Variants in TSHZ2 observed in about 807,000 individuals in gnomAD.
The protein encoded by TSHZ2 is teashirt homolog 2.
In TSHZ2, 21 loss-of-function variants were observed where a neutral mutation model predicts 74.4. The ratio of observed to expected loss-of-function variants is 0.28; its 90% CI spans 0.20 to 0.41. TSHZ2 has a LOEUF of 0.41. TSHZ2 is among the 10% of genes least tolerant of loss of function. TSHZ2 has a pLI of 1.00. For missense variants in TSHZ2, 1,244 were observed against 1,293.5 expected (o/e 0.96, Z 0.59); for synonymous variants, 540 against 515.3 (o/e 1.05, Z -0.65).
At chr20:53,459,002 A>G (rs1367521080) in intron 2 of TSHZ2, among the ~76,000 whole-genome samples, 5 of 152,106 alleles carry the variant, frequency 3.3e-5, no homozygotes, top group Non-Finnish European at 7.4e-5. Flanking sequence ...CAATTTTGGA[A>G]TAGGTGTGGT....
intron 2 of TSHZ2, among the ~76,000 whole-genome samples, chr20:53,292,473 G>A (rs946814889): frequency 6.8e-6 from 1 of 147,224 alleles, no homozygotes; most frequent in Admixed American, 6.7e-5. Context: ...TTTGAGACAG[G>A]GTCTTGCTCT....
intron 2 of TSHZ2, among the ~76,000 whole-genome samples, chr20:53,314,046 G>T (rs980777535): frequency 1.3e-5 from 2 of 152,148 alleles, no homozygotes; most frequent in Non-Finnish European, 2.9e-5. Context: ...GAGGCACTTT[G>T]GGAGGCTGAG....
intron 1 of TSHZ2, among the ~76,000 whole-genome samples, chr20:53,044,572 C>G (rs994741659): frequency 6.6e-6 from 1 of 152,186 alleles, no homozygotes; most frequent in African/African-American, 2.4e-5. Context: ...AGCCAAGGAC[C>G]AAGACTTGAA....
chr20:53,023,076 A>G (rs1458712390), intron 1 of TSHZ2, among the ~76,000 whole-genome samples: 1 of 152,160 alleles, frequency 6.6e-6, no homozygotes, highest in Admixed American at 6.5e-5. Context: ...TCACCTGGGA[A>G]TGTTTTTCCT....
chr20:53,411,667 AAAAACT>A (rs1983058878), intron 2 of TSHZ2, among the ~76,000 whole-genome samples: 1 of 152,096 alleles, frequency 6.6e-6, no homozygotes, highest in South Asian at 2.1e-4. Context: ...CGTCTCTATA[AAAAACT>A]TAAAAATTGG....
chr20:53,139,621 A>C (rs775248972), intron 1 of TSHZ2, among the ~76,000 whole-genome samples: 13 of 152,226 alleles, frequency 8.5e-5, no homozygotes, highest in Non-Finnish European at 1.5e-4. Context: ...CAAAAGTGGA[A>C]TCTTTCGTGT....
chr20:53,159,363 CTTA>C (rs967829265), intron 1 of TSHZ2, among the ~76,000 whole-genome samples: 38 of 152,202 alleles, frequency 2.5e-4, no homozygotes, highest in Admixed American at 1.8e-3. Flanking sequence ...CACAGCCACT[CTTA>C]TTTGTTGACG....
intron 2 of TSHZ2, among the ~76,000 whole-genome samples, chr20:53,280,846 C>G (rs371942927): frequency 6.6e-6 from 1 of 152,040 alleles, no homozygotes; most frequent in Non-Finnish European, 1.5e-5. Flanking sequence ...GTGCGTGCCA[C>G]GACACCCAGC....
chr20:53,176,937 G>A (rs764580526), intron 1 of TSHZ2, among the ~76,000 whole-genome samples: 12 of 151,982 alleles, frequency 7.9e-5, no homozygotes, highest in South Asian at 2.1e-4. Flanking sequence ...CACCCGCTTC[G>A]GCCTCCCAAA....
At chr20:53,480,878 A>C (rs1182958044) in intron 2 of TSHZ2, among the ~76,000 whole-genome samples, 1 of 152,226 alleles carries the variant, frequency 6.6e-6, no homozygotes, top group East Asian at 1.9e-4. Context: ...ATGTCATTCT[A>C]CGCATCTGTT....
rs1387406767 is a variant in TSHZ2, at chr20:53,463,413, AG to A, written c.*9-23729del. On this transcript the variant is annotated intron_variant, in intron 2 of 2. Transcript: ENST00000371497. The stretch of plus-strand genomic sequence containing the variant: ...AAGGAAGGAAGGAAGGAAGGAAGGA[AG>A]GAAGGAAGGAAGGAAGGAAGGAGGG... Among the ~76,000 whole-genome samples the A allele has an allele frequency of 2.5e-3, 313 of 123,582 alleles. 4 individuals are homozygous for A. The highest frequency in any genetic ancestry group is 9.0e-3 in the African/African-American group (276 of 30,800). The allele number at this position is 123,582 out of a possible 152,430, so 81.1% of individuals were successfully genotyped here. A position where few individuals can be genotyped will look rare whatever the true frequency, so the allele number is the denominator to read the frequency against.
At chr20:53,383,793 A>G (rs553054334) in intron 2 of TSHZ2, among the ~76,000 whole-genome samples, 55 of 152,248 alleles carry the variant, frequency 3.6e-4, no homozygotes, top group African/African-American at 1.3e-3. Flanking sequence ...AATAATTGTT[A>G]TTACAAAAAA....
intron 2 of TSHZ2, among the ~76,000 whole-genome samples, chr20:53,319,891 G>C (rs992536938): frequency 7.2e-5 from 11 of 152,208 alleles, no homozygotes; most frequent in Admixed American, 2.0e-4. Flanking sequence ...GAGAGAGACT[G>C]ATTATTACTC....
At chr20:53,000,741 CT>C (rs1229127555) in intron 1 of TSHZ2, among the ~76,000 whole-genome samples, 1 of 152,030 alleles carries the variant, frequency 6.6e-6, no homozygotes, top group Non-Finnish European at 1.5e-5. Context: ...ATGACGGAAG[CT>C]TTTTGCATTT....
intron 2 of TSHZ2, among the ~76,000 whole-genome samples, chr20:53,378,112 G>C (rs544499382): frequency 6.6e-6 from 1 of 152,078 alleles, no homozygotes; most frequent in African/African-American, 2.4e-5. Flanking sequence ...AGGCCGAGGC[G>C]GGCGATCACC....
intron 2 of TSHZ2, among the ~76,000 whole-genome samples, chr20:53,295,675 A>T (rs188057000): frequency 6.6e-6 from 1 of 152,346 alleles, no homozygotes; most frequent in Admixed American, 6.5e-5. Context: ...GACAAAAGAT[A>T]CATAAAGTGA....
intron 1 of TSHZ2, among the ~76,000 whole-genome samples, chr20:53,190,495 C>A (rs1228654371): frequency 6.6e-6 from 1 of 151,972 alleles, no homozygotes; most frequent in African/African-American, 2.4e-5. Context: ...AGCCCCAATC[C>A]GTGTGCAGAG....
At chr20:53,371,536 A>G (rs575304815) in intron 2 of TSHZ2, among the ~76,000 whole-genome samples, 4 of 152,332 alleles carry the variant, frequency 2.6e-5, no homozygotes, top group African/African-American at 9.6e-5. Flanking sequence ...GGCAACAGAA[A>G]TGTGCTCTCT....
chr20:52,997,973 C>T (rs1982268817), intron 1 of TSHZ2, among the ~76,000 whole-genome samples: 1 of 152,126 alleles, frequency 6.6e-6, no homozygotes, highest in Admixed American at 6.5e-5. Flanking sequence ...ATTCTCATGC[C>T]CCACCCCAGA....
Sources: allele counts gnomAD v4.1 joint callset (sites outside exome capture counted in the v4.1 genomes callset), GRCh38; gene constraint gnomAD v4.1.1; transcripts MANE v1.5; gene names NCBI Gene and HGNC (gene_info 2026-07-23, HGNC 2026-07-21).